HAPLN1: variants seen among roughly 807,000 people sequenced by gnomAD.
The protein encoded by HAPLN1 is Cartilage link protein.
In HAPLN1, 13 loss-of-function variants were observed where a neutral mutation model predicts 36.5. That is an observed-to-expected ratio of 0.36 (90% CI 0.23 to 0.57). The LOEUF (loss-of-function observed/expected upper bound fraction) is 0.57. Among genes scored for constraint, HAPLN1 ranks in the 20% least tolerant of loss-of-function variants. The pLI, the probability that HAPLN1 is intolerant of heterozygous loss-of-function variation, is 0.83. For missense variants in HAPLN1, 407 were observed against 439.7 expected (o/e 0.93, Z 0.66); for synonymous variants, 202 against 169.8 (o/e 1.19, Z -1.48).
At chr5:83,670,354 G>A (rs906473501) in intron 2 of HAPLN1, among the ~76,000 whole-genome samples, 1 of 152,104 alleles carries the variant, frequency 6.6e-6, no homozygotes, top group Admixed American at 6.5e-5. Flanking sequence ...TATTAACAGT[G>A]GCCCCTCTTC....
Position 83,644,664 on chromosome 5 carries a change from A to T in HAPLN1, c.474T>A (p.Gly158=), listed in dbSNP as rs909326573. 2.1e-6 allele frequency: 3 copies of T among 1,447,820 alleles called. No individual in the cohort carries two copies. The highest frequency in any genetic ancestry group is 2.7e-6 in the Non-Finnish European group (3 of 1,095,522). 89.7% of individuals were successfully genotyped at this position (1,447,820 alleles called of 1,614,324 possible). A position where few individuals can be genotyped will look rare whatever the true frequency, so the allele number is the denominator to read the frequency against. ...GTCGTGGAAAGTAAGGGAATACCAC[A>T]CCTGTCCAAAGGAGAAAGCAAGGAG... ...DTVVVALDLQ[G]VVFPYFPRLG... Residue 158 remains glycine (G), a splice_region_variant and synonymous_variant, in exon 4 of 5, where the codon GGT becomes GGA. Transcript: ENST00000274341.
intron 1 of HAPLN1, among the ~76,000 whole-genome samples, chr5:83,677,614 A>G (rs1453292069): frequency 1.3e-5 from 2 of 152,196 alleles, no homozygotes; most frequent in African/African-American, 4.8e-5. Flanking sequence ...GAGAAAAATC[A>G]TAGACCAGAA....
At chr5:83,695,649 T>G (rs948945203) in intron 1 of HAPLN1, among the ~76,000 whole-genome samples, 5 of 147,470 alleles carry the variant, frequency 3.4e-5, no homozygotes, top group African/African-American at 4.9e-5. Flanking sequence ...TATTTATATA[T>G]AGATAAATAT....
At chr5:83,704,171 A>C (rs1751576446) in intron 1 of HAPLN1, among the ~76,000 whole-genome samples, 1 of 152,080 alleles carries the variant, frequency 6.6e-6, no homozygotes, top group Non-Finnish European at 1.5e-5. Flanking sequence ...TTCCTAAGTG[A>C]AGAAGAAATA....
chr5:83,668,241 A>G (rs1188467275), intron 2 of HAPLN1, among the ~76,000 whole-genome samples: 1 of 152,224 alleles, frequency 6.6e-6, no homozygotes, highest in African/African-American at 2.4e-5. Context: ...TAGAGTATAC[A>G]GCCAGTGCTA....
intron 1 of HAPLN1, among the ~76,000 whole-genome samples, chr5:83,679,223 A>G (rs1364937950): frequency 6.6e-6 from 1 of 152,184 alleles, no homozygotes; most frequent in South Asian, 2.1e-4. Flanking sequence ...TTTTTGGAGT[A>G]TCACTTAGCT....
At chr5:83,669,746 A>G (rs1750653120) in intron 2 of HAPLN1, among the ~76,000 whole-genome samples, 1 of 152,202 alleles carries the variant, frequency 6.6e-6, no homozygotes, top group African/African-American at 2.4e-5. Context: ...AATGATAACA[A>G]CCACCTGGAT....
intron 2 of HAPLN1, among the ~76,000 whole-genome samples, chr5:83,668,727 C>A (rs1750620949): frequency 6.6e-6 from 1 of 152,308 alleles, no homozygotes; most frequent in East Asian, 1.9e-4. Flanking sequence ...ACATTGAGCA[C>A]CTACTATGTG....
chr5:83,670,595 C>T (rs527887523), intron 2 of HAPLN1, among the ~76,000 whole-genome samples: 1 of 152,250 alleles, frequency 6.6e-6, no homozygotes, highest in South Asian at 2.1e-4. Context: ...ATTTCTTTCT[C>T]ATTACCAGAG....
chr5:83,643,332 A>G (rs1186371354), intron 4 of HAPLN1, among the ~76,000 whole-genome samples: 2 of 147,208 alleles, frequency 1.4e-5, no homozygotes, highest in Non-Finnish European at 1.5e-5. Context: ...CCTGGGTGAC[A>G]GACAGGGTGA....
chr5:83,655,324 A>G (rs1008937115), intron 2 of HAPLN1, among the ~76,000 whole-genome samples: 3 of 152,214 alleles, frequency 2.0e-5, no homozygotes, highest in African/African-American at 4.8e-5. Context: ...ACCATCTTGC[A>G]GTATTTTAGA....
rs1394011362 is a variant in HAPLN1 at position 83,641,408 on chromosome 5, G to C, written c.*88C>G. 8.2e-7 allele frequency: 1 copy of C among 1,221,238 alleles called. No individual in the cohort carries two copies. The highest frequency in any genetic ancestry group is 1.1e-6 in the Non-Finnish European group (1 of 880,986). The allele number at this position is 1,221,238 out of a possible 1,614,324, so 75.7% of individuals were successfully genotyped here. A position where few individuals can be genotyped will look rare whatever the true frequency, so the allele number is the denominator to read the frequency against. On this transcript the variant is annotated 3_prime_UTR_variant, in exon 5 of 5. Transcript: ENST00000274341. ...AGTAAAAAAGGGTTATCACAGTTTT[G>C]GTAACTTGCATGAGTTCATATTGGA...
At chr5:83,706,577 A>G (rs1438889460) in intron 1 of HAPLN1, among the ~76,000 whole-genome samples, 2 of 152,210 alleles carry the variant, frequency 1.3e-5, no homozygotes, top group African/African-American at 4.8e-5. Flanking sequence ...GAGGGAACAT[A>G]CCTCAAAATA....
At chr5:83,683,181 G>A (rs1487506190) in intron 1 of HAPLN1, among the ~76,000 whole-genome samples, 2 of 152,096 alleles carry the variant, frequency 1.3e-5, no homozygotes, top group Admixed American at 6.6e-5. Flanking sequence ...AAAAGTCTCA[G>A]GTTTTACATT....
intron 1 of HAPLN1, among the ~76,000 whole-genome samples, chr5:83,708,149 T>G (rs1364413406): frequency 6.6e-6 from 1 of 152,222 alleles, no homozygotes; most frequent in Non-Finnish European, 1.5e-5. Context: ...CGGAAAGCAG[T>G]ATGGTGACTC....
chr5:83,646,043 AT>A (rs1749867087), intron 3 of HAPLN1, among the ~76,000 whole-genome samples: 1 of 152,222 alleles, frequency 6.6e-6, no homozygotes, highest in Non-Finnish European at 1.5e-5. Flanking sequence ...AGGAAGGTGT[AT>A]GGCTTTCCAA....
intron 2 of HAPLN1, among the ~76,000 whole-genome samples, chr5:83,670,372 G>A (rs170880): frequency 0.36 from 54,837 of 151,942 alleles, 10,065 homozygotes; most frequent in East Asian, 0.55. Context: ...TTCCTGTAGA[G>A]GTATTTGAGA....
At chr5:83,660,672 C>T (rs1006617083) in intron 2 of HAPLN1, among the ~76,000 whole-genome samples, 7 of 152,042 alleles carry the variant, frequency 4.6e-5, no homozygotes, top group African/African-American at 1.5e-4. Context: ...TAACTCTGTT[C>T]TGTTGATAAA....
intron 2 of HAPLN1, among the ~76,000 whole-genome samples, chr5:83,659,570 C>G (rs1479254738): frequency 6.6e-6 from 1 of 151,992 alleles, no homozygotes; most frequent in African/African-American, 2.4e-5. Flanking sequence ...ACCACCCATG[C>G]ATAAACTAAA....
Sources: gnomAD v4.1 joint callset for allele counts (sites outside exome capture counted in the v4.1 genomes callset) on GRCh38, gnomAD v4.1.1 for gene constraint, MANE v1.5 for transcripts, NCBI Gene and HGNC (gene_info 2026-07-23, HGNC 2026-07-21) for gene names.